The following CYP27C1 variants were observed in gnomAD, a reference collection of about 807,000 sequenced individuals.
The protein encoded by CYP27C1 is cytochrome P450 27C1.
CYP27C1 carries 29 observed loss-of-function variants against 40.6 expected under a neutral mutation model. The ratio of observed to expected loss-of-function variants is 0.71; its 90% CI spans 0.53 to 0.97. The LOEUF is 0.97. Among genes scored for constraint, CYP27C1 ranks in the 50% least tolerant of loss-of-function variants. CYP27C1 has a pLI of 0.00. For synonymous variants in CYP27C1, 198 were observed against 186.8 expected, an observed-to-expected ratio of 1.06 and a Z score of -0.49; for missense variants, 390 against 485.8, an observed-to-expected ratio of 0.80 and a Z score of 1.85.
chr2:127,195,251 G>C lies in CYP27C1; in HGVS notation c.1214+84C>G, dbSNP rs1406149328. The C allele has an allele frequency of 6.9e-5, 107 of 1,561,602 alleles. No individual in the cohort carries two copies. The highest frequency in any genetic ancestry group is 1.7e-5 in the Admixed American group (1 of 58,676). On this transcript the variant is annotated intron_variant, in intron 6 of 8. Coordinates refer to ENST00000664447, the MANE Select transcript of CYP27C1 (RefSeq NM_001367502.1). The surrounding 1 kb of genome is among the most constrained non-coding windows in gnomAD (Gnocchi z 6.2). The stretch of plus-strand genomic sequence containing the variant: ...TCCTCATCCTGAACAGGTCAGCCGG[G>C]GGGGCATTTGGAGGACTTGTTGTGA...
chr2:127,201,086 T>C lies in CYP27C1; in HGVS notation c.883+36A>G, dbSNP rs749990584. On this transcript the variant is annotated intron_variant, in intron 4 of 8. Coordinates refer to ENST00000664447, the MANE Select transcript of CYP27C1 (RefSeq NM_001367502.1). The surrounding 1 kb of genome is among the most constrained non-coding windows in gnomAD (Gnocchi z 6.0). ...AGACACACAACACGGCAGGTCAACC[T>C]GCTTCTGCAAAAGGTGCTCTCAATT... The C allele has an allele frequency of 5.6e-6, 9 of 1,601,412 alleles. No homozygotes were observed. In the South Asian group the frequency reaches 8.8e-5, roughly 16 times the overall value.
intron 1 of CYP27C1, among the ~76,000 whole-genome samples, chr2:127,206,341 C>T (rs1471473299): frequency 2.0e-5 from 3 of 152,064 alleles, no homozygotes; most frequent in African/African-American, 7.2e-5. Context: ...CAGGGTCTTG[C>T]TCTGTTGCCC....
At chr2:127,215,084 G>A (rs909234390) in intron 1 of CYP27C1, among the ~76,000 whole-genome samples, 8 of 146,928 alleles carry the variant, frequency 5.4e-5, no homozygotes, top group African/African-American at 7.6e-5. Flanking sequence ...AGCTGAGATC[G>A]CACCACCGCA....
intron 1 of CYP27C1, among the ~76,000 whole-genome samples, chr2:127,207,792 A>T (rs1366474421): frequency 6.6e-6 from 1 of 152,174 alleles, no homozygotes; most frequent in Non-Finnish European, 1.5e-5. Context: ...GAAATCTACA[A>T]AACATTGTTT....
rs551370884 is a variant in CYP27C1 at position 127,218,650 on chromosome 2, A to C, written c.282+1339T>G. The stretch of plus-strand genomic sequence containing the variant: ...CTCACGTTCATTGACTGAATGGCTG[A>C]TGGAACGAATGAATGACTGAAGCCC... On this transcript the variant is annotated intron_variant, in intron 1 of 8. Transcript: ENST00000664447. The surrounding 1 kb of genome is among the most constrained non-coding windows in gnomAD (Gnocchi z 6.0). Among the ~76,000 whole-genome samples the C allele has an allele frequency of 6.6e-6, 1 of 152,288 alleles. No homozygotes were observed. Among genetic ancestry groups the C allele is most frequent in the South Asian group, 2.1e-4 (1 of 4,832 alleles).
chr2:127,202,485 A>T (rs1286556316), intron 3 of CYP27C1, among the ~76,000 whole-genome samples: 1 of 152,176 alleles, frequency 6.6e-6, no homozygotes, highest in East Asian at 1.9e-4. Flanking sequence ...TTGGTGTACT[A>T]CCCTTTATTG....
Position 127,206,867 on chromosome 2 carries a change from AG to A in CYP27C1, c.283-778del, listed in dbSNP as rs150993451. On this transcript the variant is annotated intron_variant, in intron 1 of 8. Transcript: ENST00000664447. ...CATCTGGATTGGAAATGAAGAAGTC[AG>A]GCTATCTCTATTGGCAGATGACGTG... is the stretch of plus-strand genomic sequence containing the variant. Among the ~76,000 whole-genome samples the A allele has an allele frequency of 2.2e-3, 332 of 152,346 alleles. 2 individuals carry two copies. The highest frequency in any genetic ancestry group is 7.8e-3 in the African/African-American group (325 of 41,576).
rs1558931110 is a variant in CYP27C1, at chr2:127,204,490, AAGG to A, written c.474-922_474-920del. Reference sequence around the variant, plus strand: ...AAAGAAAGAAAGAAAGAAAGAAAGGAAGGAAGGAAGGAAGGAAAGAAAGAAGGA... The same window carrying A: ...AAAGAAAGAAAGAAAGAAAGAAAGGAAAGGAAGGAAGGAAAGAAAGAAGGA... On this transcript the variant is annotated intron_variant, in intron 2 of 8. Coordinates refer to ENST00000664447, the MANE Select transcript of CYP27C1 (RefSeq NM_001367502.1). Among the ~76,000 whole-genome samples the A allele has an allele frequency of 7.6e-3, 402 of 53,002 alleles. 40 individuals carry two copies. The highest frequency in any genetic ancestry group is 0.017 in the Middle Eastern group (2 of 118). The allele number at this position is 53,002 out of a possible 152,430, so 34.8% of individuals were successfully genotyped here.
At chr2:127,214,540 G>A (rs1045998550) in intron 1 of CYP27C1, among the ~76,000 whole-genome samples, 5 of 152,116 alleles carry the variant, frequency 3.3e-5, no homozygotes, top group African/African-American at 7.2e-5. Context: ...GAAGCTGGAA[G>A]CAATCATCCT....
intron 3 of CYP27C1, among the ~76,000 whole-genome samples, chr2:127,202,094 T>C (rs573850873): frequency 3.9e-4 from 59 of 152,066 alleles, no homozygotes; most frequent in Admixed American, 1.6e-3. Flanking sequence ...ATTTTTTTTT[T>C]TTTACACAAA....
At chr2:127,212,080 A>C (rs1320152516) in intron 1 of CYP27C1, among the ~76,000 whole-genome samples, 2 of 152,210 alleles carry the variant, frequency 1.3e-5, no homozygotes, top group Non-Finnish European at 2.9e-5. Context: ...GAAATGGATA[A>C]ATTCCTGGAC....
chr2:127,193,158 T>C lies in CYP27C1; in HGVS notation c.1433A>G (p.His478Arg). The change falls in exon 8 of 9, where the codon CAT (histidine) becomes CGT (arginine). Residue 478 changes from histidine to arginine, a missense_variant. Physicochemically the swap from His to Arg is conservative, Grantham distance 29. Transcript: ENST00000664447. The stretch of plus-strand genomic sequence containing the variant: ...CCGCCCTATGCAGCTGCGAACCCCA[T>C]GACCAAAGGGGATGGATCCAAAATT... Reference protein sequence around the residue: ...VDNFGSIPFGHGVRSCIGRRI... With the variant: ...VDNFGSIPFGRGVRSCIGRRI... 6.2e-7 allele frequency: 1 copy of C among 1,614,188 alleles called. No individual in the cohort carries two copies. Among genetic ancestry groups the C allele is most frequent in the Non-Finnish European group, 8.5e-7 (1 of 1,180,016 alleles).
In CYP27C1 at chr2:127,195,475, C is replaced by A; in HGVS notation, c.1074G>T (p.Val358=). The A allele has an allele frequency of 6.2e-7, 1 of 1,614,008 alleles. No individual in the cohort carries two copies. The highest frequency in any genetic ancestry group is 8.5e-7 in the Non-Finnish European group (1 of 1,179,984). Residue 358 remains valine (V), a synonymous_variant, in exon 6 of 9, where the codon GTG becomes GTT. Coordinates refer to ENST00000664447, the MANE Select transcript of CYP27C1 (RefSeq NM_001367502.1). This position sits in a 1 kb window ranked among gnomAD's most constrained non-coding sequence, Gnocchi z 6.2. ...CTTCTGGGTGCCTTGCCAGGAGGTACACAGTCCAAGACAAGGTGAAGGACG... is the reference window on the plus strand; with the variant it reads ...CTTCTGGGTGCCTTGCCAGGAGGTAAACAGTCCAAGACAAGGTGAAGGACG... ...DTTSFTLSWT[V]YLLARHPEVQ... is the part of the protein sequence containing the mutation.
rs558855469 is a variant in CYP27C1 at position 127,185,390 on chromosome 2, G to C, written c.*1881C>G. On this transcript the variant is annotated 3_prime_UTR_variant, in exon 9 of 9. Coordinates refer to ENST00000664447, the MANE Select transcript of CYP27C1 (RefSeq NM_001367502.1). This position sits in a 1 kb window ranked among gnomAD's most constrained non-coding sequence, Gnocchi z 4.9. Reference sequence around the variant, plus strand: ...ATCCCCAGGCAGAGCCACACTTCACGAGAGGGTCACACTGTATGTATACCC... The same window carrying C: ...ATCCCCAGGCAGAGCCACACTTCACCAGAGGGTCACACTGTATGTATACCC... 8 of 152,348 alleles carry C rather than the reference G, an allele frequency of 5.3e-5. No individual in the cohort carries two copies. The highest frequency in any genetic ancestry group is 2.1e-4 in the South Asian group (1 of 4,830). The allele number at this position is 152,348 out of a possible 1,614,324, so 9.4% of individuals were successfully genotyped here.
In CYP27C1 at chr2:127,202,084, AT is replaced by A. The variant is rs35508164; in HGVS notation, c.674-754del. Among the ~76,000 whole-genome samples the A allele has an allele frequency of 6.7e-3, 956 of 142,428 alleles. 7 individuals carry two copies. Among genetic ancestry groups the A allele is most frequent in the African/African-American group, 0.019 (745 of 38,524 alleles). 93.4% of individuals were successfully genotyped at this position (142,428 alleles called of 152,430 possible). On this transcript the variant is annotated intron_variant, in intron 3 of 8. Coordinates refer to ENST00000664447, the MANE Select transcript of CYP27C1 (RefSeq NM_001367502.1). ...TAGAAAGTCCTCCAAGATGCATTCT[AT>A]TTTTTTTTTTTTACACAAACATCAC...
chr2:127,197,580 C>T (rs964248063), intron 5 of CYP27C1, among the ~76,000 whole-genome samples: 1 of 152,108 alleles, frequency 6.6e-6, no homozygotes, highest in African/African-American at 2.4e-5. Context: ...GCAGGGTGTG[C>T]GTGCAATGCT....
At position 127,203,509 on chromosome 2, in the gene CYP27C1, T is replaced by C; in HGVS notation, c.536A>G (p.Asp179Gly). The C allele has an allele frequency of 6.2e-7, 1 of 1,614,066 alleles. No individual in the cohort carries two copies. Among genetic ancestry groups the C allele is most frequent in the Non-Finnish European group, 8.5e-7 (1 of 1,180,004 alleles). ...GACTTCTCCAGAATAAATGGCCACATCTTTCGGTTTCAGAATTCTTTGTCT... is the reference window on the plus strand; with the variant it reads ...GACTTCTCCAGAATAAATGGCCACACCTTTCGGTTTCAGAATTCTTTGTCT... ...VLRQRILKPK[D>G]VAIYSGEVNQ... is the part of the protein sequence containing the mutation. Residue 179 changes from aspartate to glycine, a missense_variant, in exon 3 of 9, where the codon GAT (aspartate) becomes GGT (glycine). Transcript: ENST00000664447.
At chr2:127,197,998 C>T (rs1682944031) in intron 5 of CYP27C1, among the ~76,000 whole-genome samples, 1 of 152,118 alleles carries the variant, frequency 6.6e-6, no homozygotes, top group African/African-American at 2.4e-5. Context: ...GGGGGCGGTG[C>T]CGCTGCATCT....
chr2:127,203,511 T>C lies in CYP27C1; in HGVS notation c.534A>G (p.Lys178=). ...CTTCTCCAGAATAAATGGCCACATC[T>C]TTCGGTTTCAGAATTCTTTGTCTCA... is the stretch of plus-strand genomic sequence containing the variant. The part of the protein sequence containing the change: ...SVLRQRILKP[K]DVAIYSGEVN... The change falls in exon 3 of 9, where the codon AAA becomes AAG. Residue 178 remains lysine (K), a synonymous_variant. Transcript: ENST00000664447. 6.2e-7 allele frequency: 1 copy of C among 1,614,074 alleles called. No homozygotes were observed. The highest frequency in any genetic ancestry group is 8.5e-7 in the Non-Finnish European group (1 of 1,180,006).
Sources: allele counts gnomAD v4.1 joint callset (sites outside exome capture counted in the v4.1 genomes callset), GRCh38; gene constraint gnomAD v4.1.1; non-coding constraint Gnocchi (gnomAD v3.1); transcripts MANE v1.5; gene names NCBI Gene and HGNC (gene_info 2026-07-23, HGNC 2026-07-21).